The following USP42 variants were observed in gnomAD, a reference collection of about 807,000 sequenced individuals.
USP42 encodes the protein ubiquitin specific peptidase 42, also known as ubiquitin carboxyl-terminal hydrolase 42.
In USP42, 23 loss-of-function variants were observed where a neutral mutation model predicts 113.0. The ratio of observed to expected loss-of-function variants is 0.20; its 90% CI spans 0.15 to 0.29. The LOEUF is 0.29. Among genes scored for constraint, USP42 ranks in the 10% least tolerant of loss-of-function variants. USP42 has a pLI of 1.00. For synonymous variants in USP42, 933 were observed against 699.0 expected (o/e 1.33, Z -5.28); for missense variants, 2,174 against 1,779.8 (o/e 1.22, Z -3.99).
chr7:6,088,110 G>T, the USP42 span, among the ~76,000 whole-genome samples: 12 of 150,794 alleles, frequency 8.0e-5, no homozygotes, highest in African/African-American at 3.0e-4. Context: ...GACCCACCTG[G>T]GCAATATAGC....
At chr7:6,092,055 T>TC in the USP42 span, among the ~76,000 whole-genome samples, 32 of 47,420 alleles carry the variant, frequency 6.7e-4, 2 homozygotes, top group Middle Eastern at 0.026. Context: ...TTCTTCTTCT[T>TC]TCTTCTTCTT....
intron 3 of USP42, among the ~76,000 whole-genome samples, chr7:6,118,567 A>G (rs1468647467): frequency 1.3e-5 from 2 of 151,986 alleles, no homozygotes; most frequent in Non-Finnish European, 2.9e-5. Flanking sequence ...GCCTACCTAC[A>G]GGTCACAAAT....
chr7:6,133,361 G>A (rs949130679), intron 3 of USP42, among the ~76,000 whole-genome samples: 2 of 152,056 alleles, frequency 1.3e-5, no homozygotes, highest in Non-Finnish European at 2.9e-5. Context: ...TAGCTTACTG[G>A]TATGCTGTGT....
chr7:6,144,244 G>A (rs1250139000), intron 9 of USP42, 48 bp downstream of exon 9: 1 of 1,278,944 alleles, frequency 7.8e-7, no homozygotes, highest in South Asian at 1.4e-5. Context: ...GCCTTTCGAA[G>A]CTTAACGTGT....
chr7:6,114,656 G>GTGTGTATA (rs1187768774), intron 2 of USP42, among the ~76,000 whole-genome samples: 1 of 60,598 alleles, frequency 1.7e-5, no homozygotes, highest in East Asian at 8.7e-4. Context: ...ATGTGTGTGT[G>GTGTGTATA]TATATATATA....
chr7:6,096,376 G>A, the USP42 span, among the ~76,000 whole-genome samples: 1 of 151,114 alleles, frequency 6.6e-6, no homozygotes, highest in Non-Finnish European at 1.5e-5. Flanking sequence ...TGATGGAGAG[G>A]GGAGATGGGT....
chr7:6,133,389 G>T (rs1780954599), intron 3 of USP42, among the ~76,000 whole-genome samples: 3 of 152,088 alleles, frequency 2.0e-5, no homozygotes, highest in African/African-American at 7.2e-5. Context: ...GTTATTTTGA[G>T]ATTTTCTCTC....
At chr7:6,156,109 T>C (rs1782433191) in intron 15 of USP42, among the ~76,000 whole-genome samples, 1 of 152,116 alleles carries the variant, frequency 6.6e-6, no homozygotes, top group Admixed American at 6.6e-5. Flanking sequence ...CATGATGAGA[T>C]GGATGAGCAG....
chr7:6,100,592 A>G (rs1241595527), upstream of USP42, among the ~76,000 whole-genome samples: 1 of 150,442 alleles, frequency 6.6e-6, no homozygotes, highest in Non-Finnish European at 1.5e-5. Flanking sequence ...AGCCTCTCAA[A>G]GTGCTGGGAT....
At chr7:6,144,482 T>C (rs1477359983) in intron 9 of USP42, among the ~76,000 whole-genome samples, 1 of 152,192 alleles carries the variant, frequency 6.6e-6, no homozygotes, top group Non-Finnish European at 1.5e-5. Flanking sequence ...GTACACTGAA[T>C]TTTCCCATTT....
intron 3 of USP42, among the ~76,000 whole-genome samples, chr7:6,123,016 G>C (rs1780321136): frequency 6.6e-6 from 1 of 151,752 alleles, no homozygotes; most frequent in Non-Finnish European, 1.5e-5. Flanking sequence ...GTAGTGATGG[G>C]GTTTCGCCCG....
intron 10 of USP42, 67 bp from the exon 11 acceptor site, chr7:6,146,081 T>A: frequency 8.2e-7 from 1 of 1,219,562 alleles, no homozygotes; most frequent in Non-Finnish European, 1.2e-6. Context: ...GAAAGAAATA[T>A]TTCTCTTGAC....
intron 2 of USP42, 65 bp downstream of exon 2, chr7:6,111,439 T>C: frequency 6.4e-7 from 1 of 1,565,572 alleles, no homozygotes; most frequent in Admixed American, 1.8e-5. Context: ...TGGGGCTTGG[T>C]GGTTTCAGAG....
chr7:6,105,508 G>C (rs1346098392), intron 1 of USP42, among the ~76,000 whole-genome samples: 3 of 139,754 alleles, frequency 2.1e-5, no homozygotes, highest in African/African-American at 7.8e-5. Context: ...CCGCCCCGGA[G>C]CCCCCTCAGA....
Position 6,157,135 on chromosome 7 carries a change from A to G in USP42, c.3943+80A>G. The G allele has an allele frequency of 2.1e-6, 3 of 1,452,404 alleles. No individual in the cohort carries two copies. Among genetic ancestry groups the G allele is most frequent in the Non-Finnish European group, 2.7e-6 (3 of 1,108,256 alleles). The allele number at this position is 1,452,404 out of a possible 1,614,324, so 90.0% of individuals were successfully genotyped here. ...CTTTGCAAAGGTGATTAACATGTAGAAAGAAAACCTCAGGTGGCATCAAAG... is the reference window on the plus strand; with the variant it reads ...CTTTGCAAAGGTGATTAACATGTAGGAAGAAAACCTCAGGTGGCATCAAAG... On this transcript the variant is annotated intron_variant, in intron 16 of 17. Coordinates refer to ENST00000306177, the MANE Select transcript of USP42 (RefSeq NM_032172.3). This position sits in a 1 kb window ranked among gnomAD's most constrained non-coding sequence, Gnocchi z 4.1.
intron 3 of USP42, among the ~76,000 whole-genome samples, chr7:6,129,730 G>A (rs994805292): frequency 2.0e-5 from 3 of 151,818 alleles, no homozygotes; most frequent in Non-Finnish European, 4.4e-5. Context: ...GTGTGGTGGT[G>A]CACACCTCTA....
In USP42 at chr7:6,139,804, T is replaced by G; in HGVS notation, c.657-324T>G. On this transcript the variant is annotated intron_variant, in intron 5 of 17. Transcript: ENST00000306177. This position sits in a 1 kb window ranked among gnomAD's most constrained non-coding sequence, Gnocchi z 4.5. ...GACTCTCTGCCTTTTCCGCCTCCGC[T>G]CCCTTTCCTCCCACACAGGCCGCAG... is the stretch of plus-strand genomic sequence containing the variant. The G allele has an allele frequency of 2.4e-6, 1 of 416,092 alleles. No homozygotes were observed. The highest frequency in any genetic ancestry group is 2.4e-5 in the South Asian group (1 of 41,052). The allele number at this position is 416,092 out of a possible 1,614,324, so 25.8% of individuals were successfully genotyped here. A position where few individuals can be genotyped will look rare whatever the true frequency, so the allele number is the denominator to read the frequency against.
chr7:6,148,212 C>G (rs1334967466), intron 12 of USP42, among the ~76,000 whole-genome samples: 5 of 152,102 alleles, frequency 3.3e-5, no homozygotes, highest in Admixed American at 3.3e-4. Flanking sequence ...GTGGTGTGTG[C>G]TGTGGTCCCA....
upstream of USP42, among the ~76,000 whole-genome samples, chr7:6,100,003 T>TGTATTTTTA (rs1790069298): frequency 1.3e-5 from 1 of 77,854 alleles, no homozygotes; most frequent in Admixed American, 1.5e-4. Flanking sequence ...ATTTCACAAG[T>TGTATTTTTA]CTATTATTAT....
Sources: allele counts gnomAD v4.1 joint callset (sites outside exome capture counted in the v4.1 genomes callset), GRCh38; gene constraint gnomAD v4.1.1; non-coding constraint Gnocchi (gnomAD v3.1); transcripts MANE v1.5; gene names NCBI Gene and HGNC (gene_info 2026-07-23, HGNC 2026-07-21).